The following MMS22L variants were observed in gnomAD, a reference collection of about 807,000 sequenced individuals.
MMS22L encodes the protein MMS22 like, DNA repair protein, also known as protein MMS22-like.
In MMS22L, 74 loss-of-function variants were observed where a neutral mutation model predicts 159.1. That is an observed-to-expected ratio of 0.47 (90% CI 0.39 to 0.56). The LOEUF is 0.56. Among genes scored for constraint, MMS22L ranks in the 20% least tolerant of loss-of-function variants. The pLI is 0.00. For synonymous variants in MMS22L, 517 were observed against 506.9 expected (o/e 1.02, Z -0.27); for missense variants, 1,351 against 1,422.1 (o/e 0.95, Z 0.80).
At chr6:97,260,406 C>A (rs1814333594) in intron 9 of MMS22L, 1 of 151,956 alleles carries the variant, frequency 6.6e-6, no homozygotes, top group South Asian at 2.1e-4. Flanking sequence ...CTTCTATGCC[C>A]CTTATTAAAT....
At chr6:97,173,328 T>C in intron 18 of MMS22L, 106 bp from the exon 19 acceptor site, 1 of 975,356 alleles carries the variant, frequency 1.0e-6, no homozygotes, top group Non-Finnish European at 1.5e-6. Flanking sequence ...ACCCATACCC[T>C]TTACATTTAA....
intron 20 of MMS22L, 85 bp downstream of exon 20, chr6:97,167,986 T>A: frequency 8.6e-7 from 1 of 1,156,200 alleles, no homozygotes; most frequent in Non-Finnish European, 1.2e-6. Flanking sequence ...GTACAGTTTT[T>A]AAATCTGCAT....
Position 97,218,473 on chromosome 6 carries a change from A to G in MMS22L, c.2039+10421T>C, listed in dbSNP as rs375307910. 3.3e-5 allele frequency among the ~76,000 whole-genome samples: 5 copies of G among 152,302 alleles called. No individual in the cohort carries two copies. The South Asian group carries it at 8.3e-4, about 25-fold the overall frequency. On this transcript the variant is annotated intron_variant, in intron 14 of 24. Coordinates refer to ENST00000683635, the MANE Select transcript of MMS22L (RefSeq NM_001350599.2). ...TTCCTCTCTACCATCTTAGTCTTTC[A>G]TGTAAAAAATACATGAGTGCATACT...
chr6:97,220,907 G>T lies in MMS22L; in HGVS notation c.2039+7987C>A, dbSNP rs1024336275. 6.6e-5 allele frequency among the ~76,000 whole-genome samples: 10 copies of T among 151,034 alleles called. No homozygotes were observed. The East Asian group carries it at 9.8e-4, about 15-fold the overall frequency. ...AACTTGCTCAATGGTCACTATGCTA[G>T]AAGTATTATATTAAGAATGGGTAAA... is the stretch of plus-strand genomic sequence containing the variant. On this transcript the variant is annotated intron_variant, in intron 14 of 24. Coordinates refer to ENST00000683635, the MANE Select transcript of MMS22L (RefSeq NM_001350599.2).
chr6:97,273,034 T>C lies in MMS22L; in HGVS notation c.369A>G (p.Ala123=), dbSNP rs773867756. ...GTACACACTGCTGCCTAATATTGTC[T>C]GCTTTGCAGTGTAGAGTTGATACCT... ...FGKVSTLHCK[A]DNIRQQCVLF... Residue 123 remains alanine, a synonymous_variant, in exon 5 of 25, where the codon GCA becomes GCG. Transcript: ENST00000683635. 4 of 1,612,148 alleles carry C rather than the reference T, an allele frequency of 2.5e-6. No homozygotes were observed. In the South Asian group the frequency reaches 3.3e-5, roughly 13 times the overall value.
chr6:97,238,194 G>A (rs1411564384), intron 11 of MMS22L, among the ~76,000 whole-genome samples: 4 of 152,188 alleles, frequency 2.6e-5, no homozygotes, highest in African/African-American at 9.7e-5. Flanking sequence ...CACGACTGTC[G>A]TAAGTATTAA....
At chr6:97,263,593 AATTTC>A (rs1203356222) in intron 8 of MMS22L, 145 bp from the exon 9 acceptor site, 22 of 430,126 alleles carry the variant, frequency 5.1e-5, no homozygotes, top group Admixed American at 4.8e-4. Flanking sequence ...GAAAATGTGC[AATTTC>A]ATTTAACTTT....
At chr6:97,275,523 C>T (rs1816166347) in intron 4 of MMS22L, among the ~76,000 whole-genome samples, 1 of 151,926 alleles carries the variant, frequency 6.6e-6, no homozygotes, top group South Asian at 2.1e-4. Flanking sequence ...AAGATGCCCT[C>T]TCAAAAAGAA....
In MMS22L at chr6:97,235,809, T is replaced by A. The variant is rs190328816; in HGVS notation, c.1183-1829A>T. ...AAGTCCTTGAACAGGTGAGAAGAGT[T>A]AAGATCCAGTGCACGAGGGAAGGAA... On this transcript the variant is annotated intron_variant, in intron 11 of 24. Coordinates refer to ENST00000683635, the MANE Select transcript of MMS22L (RefSeq NM_001350599.2). 2.6e-4 allele frequency among the ~76,000 whole-genome samples: 40 copies of A among 152,250 alleles called. 1 individual carries two copies. In the East Asian group the frequency reaches 3.9e-3, roughly 15 times the overall value.
chr6:97,254,780 C>A, intron 9 of MMS22L, 47 bp from the exon 10 acceptor site: 4 of 1,444,922 alleles, frequency 2.8e-6, no homozygotes, highest in Non-Finnish European at 3.7e-6. Flanking sequence ...GTTTCAATAA[C>A]CTTTGATTTC....
intron 24 of MMS22L, among the ~76,000 whole-genome samples, chr6:97,148,403 G>C (rs931351852): frequency 5.9e-5 from 9 of 152,096 alleles, no homozygotes; most frequent in Non-Finnish European, 1.0e-4. Flanking sequence ...TATTCCAGAA[G>C]AAGGCTTCCT....
In MMS22L at chr6:97,231,491, C is replaced by T. The variant is rs764127210; in HGVS notation, c.1464G>A (p.Leu488=). 4 of 1,613,678 alleles carry T rather than the reference C, an allele frequency of 2.5e-6. No homozygotes were observed. The highest frequency in any genetic ancestry group is 3.3e-5 in the Admixed American group (2 of 59,968). Residue 488 remains leucine, a synonymous_variant, in exon 13 of 25, where the codon CTG becomes CTA. Coordinates refer to ENST00000683635, the MANE Select transcript of MMS22L (RefSeq NM_001350599.2). ...SSSYTIFLCI[L]AKVVKKAMKS... Reference sequence around the variant, plus strand: ...TCATTGCTTTTTTAACAACTTTTGCCAGAATACAAAGAAAAATAGTATAAC... The same window carrying T: ...TCATTGCTTTTTTAACAACTTTTGCTAGAATACAAAGAAAAATAGTATAAC...
chr6:97,186,736 C>T (rs1170616277), intron 14 of MMS22L, 46 bp from the exon 15 acceptor site: 1 of 1,329,238 alleles, frequency 7.5e-7, no homozygotes, highest in African/African-American at 1.5e-5. Context: ...TAAATGCTTA[C>T]AAAAATCTTC....
rs189775290 is a variant in MMS22L at position 97,147,727 on chromosome 6, A to G, written c.3651-840T>C. 3.1e-3 allele frequency among the ~76,000 whole-genome samples: 466 copies of G among 152,316 alleles called. 2 individuals carry two copies. Among genetic ancestry groups the G allele is most frequent in the African/African-American group, 0.011 (456 of 41,564 alleles). On this transcript the variant is annotated intron_variant, in intron 24 of 24. Coordinates refer to ENST00000683635, the MANE Select transcript of MMS22L (RefSeq NM_001350599.2). ...CAATCTTCTCTCCTTAGAAAACCAC[A>G]GGAGGCTAGCCAAGTCACCATGCAG...
At chr6:97,246,714 T>C in intron 10 of MMS22L, 24 bp from the exon 11 acceptor site, 1 of 1,103,114 alleles carries the variant, frequency 9.1e-7, no homozygotes, top group Non-Finnish European at 1.3e-6. Context: ...AAATAGTGCA[T>C]CAAAATTATT....
intron 14 of MMS22L, among the ~76,000 whole-genome samples, chr6:97,209,182 T>C (rs956538133): frequency 6.6e-6 from 1 of 152,064 alleles, no homozygotes; most frequent in East Asian, 1.9e-4. Flanking sequence ...CAAGTGTTCA[T>C]TACTCATTAA....
intron 14 of MMS22L, among the ~76,000 whole-genome samples, chr6:97,206,382 T>TATACAC (rs1807786656): frequency 6.8e-6 from 1 of 146,738 alleles, no homozygotes; most frequent in Non-Finnish European, 1.5e-5. Flanking sequence ...ACCTCGCATG[T>TATACAC]ACACACACAC....
chr6:97,246,258 G>A (rs1812628449), intron 11 of MMS22L: 6 of 417,018 alleles, frequency 1.4e-5, no homozygotes, highest in Non-Finnish European at 2.8e-5. Context: ...GCTCAGCAAG[G>A]CAAGTCACCT....
In MMS22L at chr6:97,179,431, T is replaced by C; in HGVS notation, c.2513A>G (p.Asp838Gly). The part of the protein sequence containing the change: ...NLSGPDDLLI[D>G]KNLEEAVEKE... ...ACCAACTGCCTCTTCCAGATTTTTA[T>C]CTATGAGCAAATCATCAGGCCCAGA... Residue 838 changes from aspartate (D) to glycine (G), a missense_variant, in exon 17 of 25, where the codon GAT becomes GGT. Coordinates refer to ENST00000683635, the MANE Select transcript of MMS22L (RefSeq NM_001350599.2). 6.2e-7 allele frequency: 1 copy of C among 1,612,704 alleles called. No individual in the cohort carries two copies. The highest frequency in any genetic ancestry group is 8.5e-7 in the Non-Finnish European group (1 of 1,179,434).
Sources: allele counts gnomAD v4.1 joint callset (sites outside exome capture counted in the v4.1 genomes callset), GRCh38; gene constraint gnomAD v4.1.1; transcripts MANE v1.5; gene names NCBI Gene and HGNC (gene_info 2026-07-23, HGNC 2026-07-21).